The following CORO2B variants were observed in gnomAD, a reference collection of about 807,000 sequenced individuals.
CORO2B encodes coronin 2B.
CORO2B carries 26 observed loss-of-function variants against 58.8 expected under a neutral mutation model. The observed-to-expected ratio is 0.44, with a 90% CI of 0.32 to 0.61. The LOEUF is 0.61. Ranked by LOEUF, CORO2B falls within the 20% of genes least tolerant of loss-of-function variation. CORO2B has a pLI of 0.04. For synonymous variants in CORO2B, 242 were observed against 253.8 expected, an observed-to-expected ratio of 0.95 and a Z score of 0.44; for missense variants, 460 against 645.1, an observed-to-expected ratio of 0.71 and a Z score of 3.11.
At chr15:68,717,870 C>T (rs1007528246) in intron 8 of CORO2B, among the ~76,000 whole-genome samples, 2 of 152,302 alleles carry the variant, frequency 1.3e-5, no homozygotes, top group Middle Eastern at 3.4e-3. Context: ...GGTCTGTGCT[C>T]GTCACGGTGC....
chr15:68,532,250 CT>C, the CORO2B span, among the ~76,000 whole-genome samples: 1 of 152,028 alleles, frequency 6.6e-6, no homozygotes, highest in African/African-American at 2.4e-5. Flanking sequence ...ATTTTTCTAT[CT>C]TTTTTTCTTT....
At chr15:68,714,509 G>C in intron 6 of CORO2B, 50 bp from the exon 7 acceptor site, 2 of 1,423,398 alleles carry the variant, frequency 1.4e-6, no homozygotes, top group Non-Finnish European at 2.0e-6. Flanking sequence ...TTTGGGGAGG[G>C]GTATGCCATC....
chr15:68,677,757 G>A (rs1349174924), intron 2 of CORO2B, among the ~76,000 whole-genome samples: 1 of 152,150 alleles, frequency 6.6e-6, no homozygotes, highest in African/African-American at 2.4e-5. Context: ...CTCACCCACT[G>A]CCCAGCCCCA....
the CORO2B span, among the ~76,000 whole-genome samples, chr15:68,526,436 A>T: frequency 6.6e-6 from 1 of 152,180 alleles, no homozygotes; most frequent in Non-Finnish European, 1.5e-5. Context: ...AATACTAACT[A>T]TTCTAATGGG....
chr15:68,711,051 G>A (rs1032076104), intron 4 of CORO2B, among the ~76,000 whole-genome samples, 170 bp downstream of exon 4: 1 of 152,096 alleles, frequency 6.6e-6, no homozygotes, highest in African/African-American at 2.4e-5. Context: ...CAACTCCTGT[G>A]CACCCTGTCA....
At chr15:68,600,164 C>A (rs574569960) in intron 1 of CORO2B, among the ~76,000 whole-genome samples, 24 of 152,310 alleles carry the variant, frequency 1.6e-4, no homozygotes, top group Non-Finnish European at 2.5e-4. Flanking sequence ...AACAAACAAG[C>A]CTCCATCTAA....
At chr15:68,583,728 A>G (rs868411843) in intron 1 of CORO2B, among the ~76,000 whole-genome samples, 2 of 152,144 alleles carry the variant, frequency 1.3e-5, no homozygotes, top group African/African-American at 2.4e-5. Flanking sequence ...TACCCAGGAG[A>G]TACCTGAACC....
chr15:68,607,654 C>CA (rs1230175413), intron 1 of CORO2B, among the ~76,000 whole-genome samples: 1 of 151,864 alleles, frequency 6.6e-6, no homozygotes, highest in Non-Finnish European at 1.5e-5. Context: ...CCCATCTCTA[C>CA]AAAAAATTTA....
At chr15:68,668,827 C>G (rs552347496) in intron 2 of CORO2B, among the ~76,000 whole-genome samples, 6 of 152,292 alleles carry the variant, frequency 3.9e-5, no homozygotes, top group Non-Finnish European at 7.3e-5. Context: ...GCCTGTAATC[C>G]CAGCACTTTG....
At chr15:68,591,417 C>T (rs911911615) in intron 1 of CORO2B, among the ~76,000 whole-genome samples, 1 of 152,178 alleles carries the variant, frequency 6.6e-6, no homozygotes, top group African/African-American at 2.4e-5. Context: ...CTGTATGTGG[C>T]TGGACAGGCA....
Position 68,726,376 on chromosome 15 carries a change from C to T in CORO2B, c.*402C>T, listed in dbSNP as rs752016153. ...GGCTGCCAGGACATCTCAGCACTCC[C>T]GCCTGGAGCTCTCAGCATCACTGAA... On this transcript the variant is annotated 3_prime_UTR_variant, in exon 12 of 12. Coordinates refer to ENST00000261861, the MANE Select transcript of CORO2B (RefSeq NM_006091.5). 1.1e-5 allele frequency: 3 copies of T among 270,078 alleles called. No homozygotes were observed. The highest frequency in any genetic ancestry group is 2.4e-5 in the African/African-American group (1 of 42,340). 16.7% of individuals were successfully genotyped at this position (270,078 alleles called of 1,614,324 possible). A position where few individuals can be genotyped will look rare whatever the true frequency, so the allele number is the denominator to read the frequency against.
chr15:68,662,387 C>G (rs541387371), intron 2 of CORO2B, among the ~76,000 whole-genome samples: 1 of 152,184 alleles, frequency 6.6e-6, no homozygotes, highest in African/African-American at 2.4e-5. Context: ...GGTTTTCATG[C>G]CTGCTGGCAT....
At position 68,718,822 on chromosome 15, in the gene CORO2B, T is replaced by A; in HGVS notation, c.1080+12T>A. On this transcript the variant is annotated intron_variant, in intron 9 of 11. Transcript: ENST00000261861. ...TCGTGCCCCGGAGGGTAAGTGGGGC[T>A]GGGCTGGGCTCCAGGAGGGGGGCCT... The A allele has an allele frequency of 6.2e-7, 1 of 1,603,012 alleles. No individual in the cohort carries two copies. Among genetic ancestry groups the A allele is most frequent in the Non-Finnish European group, 8.5e-7 (1 of 1,170,286 alleles).
chr15:68,583,200 A>T, intron 1 of CORO2B, among the ~76,000 whole-genome samples: 1 of 152,196 alleles, frequency 6.6e-6, no homozygotes, highest in East Asian at 1.9e-4. Context: ...TATCCTGCCC[A>T]GGTAATAGCA....
the CORO2B span, among the ~76,000 whole-genome samples, chr15:68,533,246 T>C: frequency 6.6e-6 from 1 of 152,208 alleles, no homozygotes; most frequent in African/African-American, 2.4e-5. Context: ...TGAAAAATTA[T>C]TTAATATATT....
the CORO2B span, among the ~76,000 whole-genome samples, chr15:68,521,198 T>G: frequency 6.6e-6 from 1 of 152,358 alleles, no homozygotes; most frequent in Non-Finnish European, 1.5e-5. Flanking sequence ...TTATGTTCCC[T>G]TTTCTTGCAT....
At chr15:68,627,638 G>A (rs1900720208) in intron 1 of CORO2B, among the ~76,000 whole-genome samples, 1 of 152,190 alleles carries the variant, frequency 6.6e-6, no homozygotes, top group Admixed American at 6.5e-5. Flanking sequence ...TGTGACAAAT[G>A]TGGTCTTCAT....
At chr15:68,635,564 G>T (rs1430301626) in intron 1 of CORO2B, among the ~76,000 whole-genome samples, 1 of 152,164 alleles carries the variant, frequency 6.6e-6, no homozygotes, top group African/African-American at 2.4e-5. Context: ...CCAGAGACAA[G>T]TCACTCCTCC....
chr15:68,695,649 C>T (rs1339380711), intron 3 of CORO2B, among the ~76,000 whole-genome samples: 1 of 152,158 alleles, frequency 6.6e-6, no homozygotes, highest in Non-Finnish European at 1.5e-5. Context: ...CTGTTCTTTG[C>T]AGGCTGGGCA....
Sources: allele counts gnomAD v4.1 joint callset (sites outside exome capture counted in the v4.1 genomes callset), GRCh38; gene constraint gnomAD v4.1.1; transcripts MANE v1.5; gene names NCBI Gene and HGNC (gene_info 2026-07-23, HGNC 2026-07-21).